Variants in CREB1 observed in about 807,000 individuals in gnomAD.
CREB1 encodes cyclic AMP-responsive element-binding protein 1.
A neutral mutation model predicts 42.0 loss-of-function variants in CREB1; 2 were observed. The ratio of observed to expected loss-of-function variants is 0.05; its 90% CI spans 0.02 to 0.15. The LOEUF (loss-of-function observed/expected upper bound fraction) is 0.15. Ranked by LOEUF, CREB1 falls within the 10% of genes least tolerant of loss-of-function variation. CREB1 has a pLI of 1.00. For missense variants in CREB1, 199 were observed against 388.9 expected, an observed-to-expected ratio of 0.51 and a Z score of 4.11; for synonymous variants, 123 against 139.9, an observed-to-expected ratio of 0.88 and a Z score of 0.85.
At chr2:207,530,858 T>C (rs2080586225) in intron 1 of CREB1, among the ~76,000 whole-genome samples, 2 of 150,226 alleles carry the variant, frequency 1.3e-5, no homozygotes, top group African/African-American at 2.5e-5. Flanking sequence ...TCGTGCCCTT[T>C]CCCCCCCGCT....
intron 2 of CREB1, chr2:207,559,218 T>G: frequency 1.3e-6 from 1 of 747,498 alleles, no homozygotes; most frequent in Non-Finnish European, 1.6e-6. Flanking sequence ...CTTTTGCCAC[T>G]ACTCCACTCT....
chr2:207,603,021 TC>T lies in CREB1; in HGVS notation c.*5968del, dbSNP rs2087358952. On this transcript the variant is annotated 3_prime_UTR_variant, in exon 8 of 8. Coordinates refer to ENST00000353267, the MANE Select transcript of CREB1 (RefSeq NM_004379.5). ...TTTGAGGGTTGGGGTAAAGAAGACT[TC>T]CCCCACAACTGTCAGCACAAAACAG... is the stretch of plus-strand genomic sequence containing the variant. 1 of 214,140 alleles carries T rather than the reference TC, an allele frequency of 4.7e-6. No individual in the cohort carries two copies. The highest frequency in any genetic ancestry group is 1.9e-4 in the South Asian group (1 of 5,346). The allele number at this position is 214,140 out of a possible 1,614,324, so 13.3% of individuals were successfully genotyped here. A position where few individuals can be genotyped will look rare whatever the true frequency, so the allele number is the denominator to read the frequency against.
At chr2:207,585,674 CAAAT>C (rs2083694977) in intron 7 of CREB1, among the ~76,000 whole-genome samples, 1 of 151,948 alleles carries the variant, frequency 6.6e-6, no homozygotes, top group African/African-American at 2.4e-5. Flanking sequence ...ATAGACAATA[CAAAT>C]AAATCAGGAA....
At chr2:207,594,376 C>T (rs945557825) in intron 7 of CREB1, among the ~76,000 whole-genome samples, 1 of 152,088 alleles carries the variant, frequency 6.6e-6, no homozygotes, top group Non-Finnish European at 1.5e-5. Context: ...ACAACAACTC[C>T]CCATTTCCTC....
chr2:207,547,462 G>A (rs982138499), intron 1 of CREB1, among the ~76,000 whole-genome samples: 1 of 152,146 alleles, frequency 6.6e-6, no homozygotes, highest in Non-Finnish European at 1.5e-5. Context: ...TTTTGTCAAA[G>A]TAACTGTATG....
At chr2:207,533,044 G>T (rs1405154949) in intron 1 of CREB1, among the ~76,000 whole-genome samples, 1 of 150,544 alleles carries the variant, frequency 6.6e-6, no homozygotes, top group Non-Finnish European at 1.5e-5. Context: ...CTTCTGCACT[G>T]TTCCAGCCAT....
intron 2 of CREB1, among the ~76,000 whole-genome samples, chr2:207,559,642 A>G (rs1401854508): frequency 6.6e-6 from 1 of 152,198 alleles, no homozygotes; most frequent in Non-Finnish European, 1.5e-5. Context: ...TAACCTGGGT[A>G]TTGACTCATT....
chr2:207,575,084 T>G (rs533207231), intron 5 of CREB1, among the ~76,000 whole-genome samples, 188 bp from the exon 6 acceptor site: 2 of 152,338 alleles, frequency 1.3e-5, no homozygotes, highest in Admixed American at 6.5e-5. Context: ...TAGAGTGCAT[T>G]TCTATTGTAG....
intron 3 of CREB1, among the ~76,000 whole-genome samples, 194 bp downstream of exon 3, chr2:207,560,566 T>G (rs193109096): frequency 3.9e-5 from 6 of 152,076 alleles, no homozygotes; most frequent in Admixed American, 3.3e-4. Context: ...TAAAAGAAAA[T>G]GACTAATTTC....
intron 7 of CREB1, among the ~76,000 whole-genome samples, chr2:207,592,267 C>T (rs1294325664): frequency 5.9e-5 from 9 of 151,900 alleles, no homozygotes; most frequent in South Asian, 4.2e-4. Context: ...ATGAGCTGGG[C>T]GTGGTGGCAC....
chr2:207,604,655 T>G lies in CREB1; in HGVS notation c.*7597T>G, dbSNP rs888481213. Among the ~76,000 whole-genome samples, 3 of 152,254 alleles carry G rather than the reference T, an allele frequency of 2.0e-5. No homozygotes were observed. Among genetic ancestry groups the G allele is most frequent in the East Asian group, 1.9e-4 (1 of 5,190 alleles). On this transcript the variant is annotated 3_prime_UTR_variant, in exon 8 of 8. Transcript: ENST00000353267. ...AAGTGAACAATTAAGTGGTAGTACA[T>G]CCACAATGGTGTACAACCACCACTT...
intron 1 of CREB1, among the ~76,000 whole-genome samples, chr2:207,553,436 C>T (rs2081595321): frequency 6.6e-6 from 1 of 152,080 alleles, no homozygotes; most frequent in African/African-American, 2.4e-5. Flanking sequence ...TAAAAGACCA[C>T]AGTTTGCAAA....
chr2:207,583,315 ACT>A (rs1386005481), intron 7 of CREB1, among the ~76,000 whole-genome samples: 1 of 151,940 alleles, frequency 6.6e-6, no homozygotes, highest in Non-Finnish European at 1.5e-5. Flanking sequence ...AACATATCTG[ACT>A]CTAAGCTTTA....
chr2:207,586,521 T>C (rs1021108558), intron 7 of CREB1, among the ~76,000 whole-genome samples: 41 of 152,172 alleles, frequency 2.7e-4, no homozygotes, highest in African/African-American at 9.7e-4. Flanking sequence ...ACTTCATGGC[T>C]AAGACTCCAA....
chr2:207,540,056 A>G (rs2081033083), intron 1 of CREB1, among the ~76,000 whole-genome samples: 1 of 152,232 alleles, frequency 6.6e-6, no homozygotes, highest in Admixed American at 6.5e-5. Flanking sequence ...CTTAGTGTAG[A>G]CAGAGATATA....
At chr2:207,535,303 CTTT>C (rs903314156) in intron 1 of CREB1, among the ~76,000 whole-genome samples, 2 of 152,140 alleles carry the variant, frequency 1.3e-5, no homozygotes, top group African/African-American at 4.8e-5. Context: ...GAATTTAACT[CTTT>C]TGTTGAGGTT....
intron 7 of CREB1, among the ~76,000 whole-genome samples, chr2:207,596,183 G>GTGGA (rs1282315228): frequency 6.6e-6 from 1 of 152,150 alleles, no homozygotes; most frequent in Non-Finnish European, 1.5e-5. Flanking sequence ...TCTTTTGCAT[G>GTGGA]TGGATATCCA....
At chr2:207,547,828 T>G (rs959369383) in intron 1 of CREB1, among the ~76,000 whole-genome samples, 1 of 152,042 alleles carries the variant, frequency 6.6e-6, no homozygotes, top group Non-Finnish European at 1.5e-5. Flanking sequence ...ACAAAAAACT[T>G]TAAGAAAGCA....
At chr2:207,589,169 A>G (rs2084492846) in intron 7 of CREB1, among the ~76,000 whole-genome samples, 1 of 152,118 alleles carries the variant, frequency 6.6e-6, no homozygotes, top group South Asian at 2.1e-4. Context: ...CCAGTTCTAT[A>G]AGATCAGAGG....
Sources: allele counts gnomAD v4.1 joint callset (sites outside exome capture counted in the v4.1 genomes callset), GRCh38; gene constraint gnomAD v4.1.1; transcripts MANE v1.5; gene names NCBI Gene and HGNC (gene_info 2026-07-23, HGNC 2026-07-21).